NDUFA5: variants seen among roughly 807,000 people sequenced by gnomAD.
NDUFA5 encodes NADH dehydrogenase [ubiquinone] 1 alpha subcomplex subunit 5.
NDUFA5 carries 11 observed loss-of-function variants against 19.8 expected under a neutral mutation model. The ratio of observed to expected loss-of-function variants is 0.56; its 90% CI spans 0.35 to 0.92. The LOEUF (loss-of-function observed/expected upper bound fraction) is 0.92, where lower values mean the gene tolerates loss of function less well. Ranked by LOEUF, NDUFA5 falls within the 40% of genes least tolerant of loss-of-function variation. The pLI, the probability that NDUFA5 is intolerant of heterozygous loss-of-function variation, is 0.01. For synonymous variants in NDUFA5, 47 were observed against 46.8 expected (o/e 1.00, Z -0.01); for missense variants, 109 against 134.2 (o/e 0.81, Z 0.93).
chr7:123,545,475 C>T, intron 4 of NDUFA5, 136 bp downstream of exon 4: 1 of 670,104 alleles, frequency 1.5e-6, no homozygotes, highest in South Asian at 1.7e-5. Flanking sequence ...AGAAGCACCA[C>T]ATTTTCTATA....
At chr7:123,583,324 A>G in the NDUFA5 span, among the ~76,000 whole-genome samples, 2 of 152,092 alleles carry the variant, frequency 1.3e-5, no homozygotes, top group African/African-American at 4.8e-5. Context: ...TTCAACATAT[A>G]TCATATGAGG....
chr7:123,553,552 A>G (rs1337900606), intron 2 of NDUFA5, among the ~76,000 whole-genome samples: 1 of 152,206 alleles, frequency 6.6e-6, no homozygotes, highest in African/African-American at 2.4e-5. Flanking sequence ...AAGCTACAGA[A>G]GAGGAAAAAT....
Position 123,537,486 on chromosome 7 carries a change from ATG to A in NDUFA5, c.*4631_*4632del, listed in dbSNP as rs1797786674. 6.6e-6 allele frequency: 1 copy of A among 152,122 alleles called. No homozygotes were observed. The highest frequency in any genetic ancestry group is 2.4e-5 in the African/African-American group (1 of 41,400). 9.4% of individuals were successfully genotyped at this position (152,122 alleles called of 1,614,324 possible). ...CCTTTTCTGAAACCTTTTAAGACAG[ATG>A]TGTTTGATATTCACAATTTTTCAGA... On this transcript the variant is annotated 3_prime_UTR_variant, in exon 5 of 5. Transcript: ENST00000355749.
rs113920733 is a variant in NDUFA5, at chr7:123,556,512, G to C, written c.66+892C>G. The C allele has an allele frequency of 4.9e-3, 833 of 169,976 alleles. 4 individuals are homozygous for C. The highest frequency in any genetic ancestry group is 0.019 in the African/African-American group (772 of 41,428). The allele number at this position is 169,976 out of a possible 1,614,324, so 10.5% of individuals were successfully genotyped here. ...GGCATAAGAGAAATAACCAGAAAAA[G>C]AGAAAGCCAAAGAGTAGGGGGAAAA... On this transcript the variant is annotated intron_variant, in intron 2 of 4. Coordinates refer to ENST00000355749, the MANE Select transcript of NDUFA5 (RefSeq NM_005000.5).
At chr7:123,568,517 A>G in the NDUFA5 span, among the ~76,000 whole-genome samples, 2 of 150,972 alleles carry the variant, frequency 1.3e-5, no homozygotes, top group Non-Finnish European at 3.0e-5. Flanking sequence ...GCGAAAGTCC[A>G]TCTCAAGAAA....
chr7:123,576,766 T>C, the NDUFA5 span, among the ~76,000 whole-genome samples: 1 of 152,180 alleles, frequency 6.6e-6, no homozygotes, highest in African/African-American at 2.4e-5. Context: ...TTAGAAAGTA[T>C]ATTTTTGTGG....
At chr7:123,568,338 C>T in the NDUFA5 span, among the ~76,000 whole-genome samples, 1 of 151,646 alleles carries the variant, frequency 6.6e-6, no homozygotes. Flanking sequence ...CGTGGAGAAA[C>T]CCCATCTCTA....
At chr7:123,563,404 G>T in the NDUFA5 span, among the ~76,000 whole-genome samples, 2 of 152,134 alleles carry the variant, frequency 1.3e-5, no homozygotes, top group Admixed American at 1.3e-4. Context: ...GAGAGAGATG[G>T]GGAACAGCCA....
At chr7:123,550,611 T>G in intron 2 of NDUFA5, 25 bp from the exon 3 acceptor site, 1 of 1,402,208 alleles carries the variant, frequency 7.1e-7, no homozygotes, top group Non-Finnish European at 1.0e-6. Context: ...CATACAAATT[T>G]CCATAGGTTA....
rs766305834 is a variant in NDUFA5 at position 123,540,890 on chromosome 7, G to GCGCGCGCGCACACACACACACACA, written c.*1228_*1229insTGTGTGTGTGTGTGTGCGCGCGCG. Reference sequence around the variant, plus strand: ...TCTGAGCAAATGTGCGCATGCGCGTGCACACACACACACACACACACACAC... The same window carrying GCGCGCGCGCACACACACACACACA: ...TCTGAGCAAATGTGCGCATGCGCGTGCGCGCGCGCACACACACACACACACACACACACACACACACACACACAC... On this transcript the variant is annotated 3_prime_UTR_variant, in exon 5 of 5. Coordinates refer to ENST00000355749, the MANE Select transcript of NDUFA5 (RefSeq NM_005000.5). 4 of 133,830 alleles carry GCGCGCGCGCACACACACACACACA rather than the reference G, an allele frequency of 3.0e-5. No individual in the cohort carries two copies. Among genetic ancestry groups the GCGCGCGCGCACACACACACACACA allele is most frequent in the Non-Finnish European group, 4.7e-5 (3 of 63,218 alleles). The allele number at this position is 133,830 out of a possible 1,614,324, so 8.3% of individuals were successfully genotyped here.
At chr7:123,550,832 T>C (rs1584696180) in intron 2 of NDUFA5, among the ~76,000 whole-genome samples, 1 of 152,348 alleles carries the variant, frequency 6.6e-6, no homozygotes. Context: ...TAACAAGTTC[T>C]AGATAAGTCA....
rs1324371896 is a variant in NDUFA5, at chr7:123,540,462, C to T, written c.*1657G>A. ...CTTTGTTTCTGTGTTGTCCAAAGGA[C>T]CTGAAAAATAATGGTTGGCTAGAAA... On this transcript the variant is annotated 3_prime_UTR_variant, in exon 5 of 5. Coordinates refer to ENST00000355749, the MANE Select transcript of NDUFA5 (RefSeq NM_005000.5). 1 of 152,018 alleles carries T rather than the reference C, an allele frequency of 6.6e-6. No individual in the cohort carries two copies. The highest frequency in any genetic ancestry group is 1.5e-5 in the Non-Finnish European group (1 of 68,002). The allele number at this position is 152,018 out of a possible 1,614,324, so 9.4% of individuals were successfully genotyped here. A position where few individuals can be genotyped will look rare whatever the true frequency, so the allele number is the denominator to read the frequency against.
chr7:123,594,570 G>T, the NDUFA5 span, among the ~76,000 whole-genome samples: 1 of 152,116 alleles, frequency 6.6e-6, no homozygotes, highest in African/African-American at 2.4e-5. Context: ...GTTTGCTGGA[G>T]GTCCACTCCA....
At chr7:123,548,263 G>C (rs1024222599) in intron 3 of NDUFA5, among the ~76,000 whole-genome samples, 2 of 152,090 alleles carry the variant, frequency 1.3e-5, no homozygotes, top group African/African-American at 4.8e-5. Flanking sequence ...TAAGTGTTTG[G>C]GGTTATATCT....
At chr7:123,577,384 G>A in the NDUFA5 span, among the ~76,000 whole-genome samples, 1 of 152,040 alleles carries the variant, frequency 6.6e-6, no homozygotes, top group Non-Finnish European at 1.5e-5. Context: ...TTCTGTAACT[G>A]GCCCAGTTTC....
At chr7:123,564,709 T>A in the NDUFA5 span, among the ~76,000 whole-genome samples, 1 of 152,016 alleles carries the variant, frequency 6.6e-6, no homozygotes, top group Non-Finnish European at 1.5e-5. Context: ...GATGTTAAGA[T>A]AGGTTTATTG....
the NDUFA5 span, among the ~76,000 whole-genome samples, chr7:123,571,947 G>GT: frequency 1.3e-5 from 2 of 151,548 alleles, no homozygotes; most frequent in African/African-American, 4.8e-5. Flanking sequence ...TTTTTTTAAT[G>GT]TTTTTATAGA....
the NDUFA5 span, among the ~76,000 whole-genome samples, chr7:123,588,768 A>G: frequency 6.6e-6 from 1 of 150,544 alleles, no homozygotes; most frequent in African/African-American, 2.4e-5. Flanking sequence ...GGTGTGTTCT[A>G]TGTCCATTTT....
At chr7:123,569,816 A>G in the NDUFA5 span, among the ~76,000 whole-genome samples, 1 of 152,234 alleles carries the variant, frequency 6.6e-6, no homozygotes, top group East Asian at 1.9e-4. Flanking sequence ...AAGCCCGTTA[A>G]GTATAACTAA....
Sources: allele counts gnomAD v4.1 joint callset (sites outside exome capture counted in the v4.1 genomes callset), GRCh38; gene constraint gnomAD v4.1.1; transcripts MANE v1.5; gene names NCBI Gene and HGNC (gene_info 2026-07-23, HGNC 2026-07-21).